VWDE: variants seen among roughly 807,000 people sequenced by gnomAD.
VWDE encodes von Willebrand factor D and EGF domains.
A neutral mutation model predicts 178.4 loss-of-function variants in VWDE; 207 were observed. The observed-to-expected ratio is 1.16, with a 90% CI of 1.04 to 1.30. The LOEUF (loss-of-function observed/expected upper bound fraction) is 1.30, where lower values mean the gene tolerates loss of function less well. Ranked by LOEUF, VWDE falls within the 50% of genes most tolerant of loss-of-function variation. The probability of loss-of-function intolerance (pLI) is 0.00; values close to 1 mark genes in which losing one functional copy is unlikely to be tolerated. For missense variants in VWDE, 2,287 were observed against 1,901.3 expected (o/e 1.20, Z -3.77); for synonymous variants, 738 against 651.4 (o/e 1.13, Z -2.02).
intron 1 of VWDE, among the ~76,000 whole-genome samples, chr7:12,398,993 C>G (rs2128564867): frequency 6.6e-6 from 1 of 152,178 alleles, no homozygotes; most frequent in South Asian, 2.1e-4. Context: ...ACCTCAGCAT[C>G]ATGCGATGTA....
intron 3 of VWDE, 120 bp downstream of exon 3, chr7:12,389,007 T>C (rs564301624): frequency 8.5e-6 from 7 of 824,362 alleles, no homozygotes; most frequent in African/African-American, 3.4e-5. Context: ...AATCTAGCAA[T>C]AATGGTAGAC....
intron 19 of VWDE, among the ~76,000 whole-genome samples, chr7:12,345,724 A>G (rs1482408582): frequency 6.6e-6 from 1 of 152,158 alleles, no homozygotes; most frequent in East Asian, 1.9e-4. Context: ...TTCTTCACAG[A>G]AACTTCCAAC....
intron 5 of VWDE, 74 bp from the exon 6 acceptor site, chr7:12,379,640 A>T: frequency 9.2e-7 from 1 of 1,082,980 alleles, no homozygotes; most frequent in South Asian, 1.6e-5. Flanking sequence ...CACTTTTAAA[A>T]TCCTAAATTT....
In VWDE at chr7:12,389,171, T is replaced by C. The variant is rs960945291; in HGVS notation, c.431A>G (p.Tyr144Cys). 7.7e-6 allele frequency: 12 copies of C among 1,551,916 alleles called. No individual in the cohort carries two copies. The African/African-American group carries it at 1.4e-4, about 18-fold the overall frequency. The change falls in exon 3 of 29, where the codon TAC becomes TGC. Residue 144 changes from tyrosine to cysteine, a missense_variant. Coordinates refer to ENST00000275358, the MANE Select transcript of VWDE (RefSeq NM_001135924.3). ...SVRNCGNFSV[Y>C]LLQPTQGCMG... ...ACATCCCTGAGTTGGTTGTAGTAAG[T>C]ATACAGAAAAGTTCCCACAGTTTCT...
chr7:12,370,123 T>C lies in VWDE; in HGVS notation c.2183A>G (p.Asn728Ser), dbSNP rs907579517. ...EKEDSLQYLANKKYTQGRGSH... is the reference protein window; with the variant it reads ...EKEDSLQYLASKKYTQGRGSH... ...TCCCCGGCCTTGTGTATATTTCTTATTGGCCAAATATTGTAGTGAATCTTC... is the reference window on the plus strand; with the variant it reads ...TCCCCGGCCTTGTGTATATTTCTTACTGGCCAAATATTGTAGTGAATCTTC... Residue 728 changes from asparagine (N) to serine (S), a missense_variant, in exon 12 of 29, where the codon AAT becomes AGT. By Grantham distance (46) the Asn-to-Ser change is conservative (BLOSUM62 1). Coordinates refer to ENST00000275358, the MANE Select transcript of VWDE (RefSeq NM_001135924.3). The C allele has an allele frequency of 1.9e-6, 3 of 1,551,492 alleles. No homozygotes were observed. Among genetic ancestry groups the C allele is most frequent in the East Asian group, 2.4e-5 (1 of 40,922 alleles).
In VWDE at chr7:12,403,649, C is replaced by T. The variant is rs975673739; in HGVS notation, c.58+10G>A. 8 of 1,540,662 alleles carry T rather than the reference C, an allele frequency of 5.2e-6. No individual in the cohort carries two copies. Among genetic ancestry groups the T allele is most frequent in the South Asian group, 1.2e-5 (1 of 83,860 alleles). On this transcript the variant is annotated intron_variant, in intron 1 of 28. Transcript: ENST00000275358. ...TGCGCGCCCACCCCCGCGCGCCCTA[C>T]CTCGCTTACCTTCCCCCCAGGCCAG...
At chr7:12,379,833 G>A (rs1240145020) in intron 5 of VWDE, among the ~76,000 whole-genome samples, 1 of 152,092 alleles carries the variant, frequency 6.6e-6, no homozygotes, top group Non-Finnish European at 1.5e-5. Flanking sequence ...GGTGGCTCAC[G>A]CCTGTAATCC....
At chr7:12,383,742 T>G (rs973106665) in intron 3 of VWDE, 141 bp from the exon 4 acceptor site, 1 of 724,344 alleles carries the variant, frequency 1.4e-6, no homozygotes, top group Non-Finnish European at 2.2e-6. Flanking sequence ...CATAACATTT[T>G]TTTCCTTTTA....
At chr7:12,391,138 A>G (rs1048166597) in intron 2 of VWDE, among the ~76,000 whole-genome samples, 6 of 152,332 alleles carry the variant, frequency 3.9e-5, no homozygotes, top group African/African-American at 7.2e-5. Context: ...TATAACATGA[A>G]CATTACGAAA....
At chr7:12,396,619 C>T (rs1784637927) in intron 1 of VWDE, among the ~76,000 whole-genome samples, 1 of 152,050 alleles carries the variant, frequency 6.6e-6, no homozygotes, top group South Asian at 2.1e-4. Context: ...TAGAAGAATC[C>T]ATTGTCTGCC....
chr7:12,390,224 C>T (rs17165982), intron 2 of VWDE, among the ~76,000 whole-genome samples: 59,276 of 150,824 alleles, frequency 0.39, 11,896 homozygotes, highest in African/African-American at 0.46. Flanking sequence ...TTATCAAAAT[C>T]CTTTTCAGAT....
intron 18 of VWDE, among the ~76,000 whole-genome samples, chr7:12,355,274 G>A (rs971596061): frequency 2.6e-5 from 4 of 151,930 alleles, no homozygotes; most frequent in African/African-American, 4.8e-5. Flanking sequence ...AAAATTAGCC[G>A]GGCTGGTGGC....
Position 12,354,723 on chromosome 7 carries a change from T to A in VWDE, c.3745+1388A>T, listed in dbSNP as rs6978933. Among the ~76,000 whole-genome samples, 6 of 152,030 alleles carry A rather than the reference T, an allele frequency of 3.9e-5. No individual in the cohort carries two copies. In the East Asian group the frequency reaches 1.2e-3, roughly 29 times the overall value. ...CAGACCTTTCAAGTACATACGATTT[T>A]GTTTTTGTAAATAAGATGAGTTAAG... On this transcript the variant is annotated intron_variant, in intron 18 of 28. Transcript: ENST00000275358.
rs761097546 is a variant in VWDE at position 12,392,718 on chromosome 7, C to CCA, written c.243+874_243+875dup. ...TCAAATGAAATAAGAATGAAAGAAG[C>CCA]CACTTGGGCTAGTTCACTATACAAG... On this transcript the variant is annotated intron_variant, in intron 2 of 28. Coordinates refer to ENST00000275358, the MANE Select transcript of VWDE (RefSeq NM_001135924.3). Among the ~76,000 whole-genome samples the CCA allele has an allele frequency of 3.6e-4, 55 of 151,612 alleles. 1 individual carries two copies. The highest frequency in any genetic ancestry group is 6.8e-3 in the Middle Eastern group (2 of 294).
rs758244966 is a variant in VWDE, at chr7:12,369,703, TC to T, written c.2602del (p.Glu868ArgfsTer21). On this transcript the variant is annotated frameshift_variant, in exon 12 of 29. Transcript: ENST00000275358. LOFTEE classifies it high-confidence loss of function. Reference sequence around the variant, plus strand: ...CTCTTCTGTGTTATATTTCCCCTCCTCCACAATCCTCTTTTCACATTCATTT... The same window carrying T: ...CTCTTCTGTGTTATATTTCCCCTCCTCACAATCCTCTTTTCACATTCATTT... ...LENECEKRIV[E>X]EGKYNTEEYG... is the part of the protein sequence containing the mutation. The T allele has an allele frequency of 1.3e-6, 2 of 1,551,556 alleles. No individual in the cohort carries two copies. Among genetic ancestry groups the T allele is most frequent in the African/African-American group, 1.4e-5 (1 of 73,020 alleles).
At chr7:12,351,939 G>A (rs1781967833) in intron 18 of VWDE, among the ~76,000 whole-genome samples, 1 of 152,096 alleles carries the variant, frequency 6.6e-6, no homozygotes, top group African/African-American at 2.4e-5. Flanking sequence ...AACATGTTTG[G>A]AGACAGGGTC....
At position 12,359,631 on chromosome 7, in the gene VWDE, G is replaced by A. The variant is rs1439322185; in HGVS notation, c.3221C>T (p.Pro1074Leu). 1 of 1,550,278 alleles carries A rather than the reference G, an allele frequency of 6.5e-7. No individual in the cohort carries two copies. Reference sequence around the variant, plus strand: ...AATTTTGGGTCTACAAATCAAACAAGGGCTGGTTGGATTTTTGTCTCCTTC... The same window carrying A: ...AATTTTGGGTCTACAAATCAAACAAAGGCTGGTTGGATTTTTGTCTCCTTC... ...YVEGDKNPTS[P>L]CLICRPKISR... is the part of the protein sequence containing the mutation. Residue 1074 changes from proline (P) to leucine (L), a missense_variant, in exon 16 of 29, where the codon CCT becomes CTT. By Grantham distance (98) the Pro-to-Leu change is moderately conservative. Transcript: ENST00000275358.
At position 12,388,752 on chromosome 7, in the gene VWDE, G is replaced by A. The variant is rs534900515; in HGVS notation, c.475+375C>T. 1.2e-5 allele frequency: 4 copies of A among 340,294 alleles called. No individual in the cohort carries two copies. In the East Asian group the frequency reaches 2.3e-4, roughly 19 times the overall value. The allele number at this position is 340,294 out of a possible 1,614,324, so 21.1% of individuals were successfully genotyped here. A position where few individuals can be genotyped will look rare whatever the true frequency, so the allele number is the denominator to read the frequency against. ...CAGGATAAACATTCAATAAATATTG[G>A]TGAATGAAAGATGAAATAATATAAA... is the stretch of plus-strand genomic sequence containing the variant. On this transcript the variant is annotated intron_variant, in intron 3 of 28. Coordinates refer to ENST00000275358, the MANE Select transcript of VWDE (RefSeq NM_001135924.3).
At chr7:12,378,888 C>G (rs12699366) in intron 6 of VWDE, among the ~76,000 whole-genome samples, 57,969 of 152,018 alleles carry the variant, frequency 0.38, 11,906 homozygotes, top group Non-Finnish European at 0.45. Context: ...AACTCGAGTC[C>G]TGTGGGTGAG....
Sources: allele counts gnomAD v4.1 joint callset (sites outside exome capture counted in the v4.1 genomes callset), GRCh38; gene constraint gnomAD v4.1.1; transcripts MANE v1.5; gene names NCBI Gene and HGNC (gene_info 2026-07-23, HGNC 2026-07-21).